Variants in NOS1AP observed in about 807,000 individuals in gnomAD.
NOS1AP encodes the protein carboxyl-terminal PDZ ligand of neuronal nitric oxide synthase protein.
Under a neutral mutation model 56.2 loss-of-function variants are expected in NOS1AP, and 21 were observed. The observed-to-expected ratio is 0.37, with a 90% confidence interval of 0.26 to 0.54. The LOEUF (loss-of-function observed/expected upper bound fraction) is 0.54. NOS1AP is among the 20% of genes least tolerant of loss of function. NOS1AP has a pLI of 0.84. For missense variants in NOS1AP, 522 were observed against 657.8 expected (o/e 0.79, Z 2.26); for synonymous variants, 270 against 274.6 (o/e 0.98, Z 0.17).
Position 162,329,355 on chromosome 1 carries a change from G to A in NOS1AP, c.345-3662G>A, listed in dbSNP as rs977453233. 9.9e-4 allele frequency among the ~76,000 whole-genome samples: 110 copies of A among 111,644 alleles called. 2 individuals carry two copies. In the South Asian group the frequency reaches 0.018, roughly 18 times the overall value. The allele number at this position is 111,644 out of a possible 152,430, so 73.2% of individuals were successfully genotyped here. Reference sequence around the variant, plus strand: ...TTGCAGTGAGCCAAGATTTCACCAAGAAAAAAAGAGAGAGAGAGAGAGAGA... The same window carrying A: ...TTGCAGTGAGCCAAGATTTCACCAAAAAAAAAAGAGAGAGAGAGAGAGAGA... On this transcript the variant is annotated intron_variant, in intron 4 of 9. Transcript: ENST00000361897.
Position 162,349,256 on chromosome 1 carries a change from TAA to T in NOS1AP, c.595+5281_595+5282del, listed in dbSNP as rs1288033423. ...GAGGTCTTCCCACCTTATGGGGGAG[TAA>T]TCGGCTTGGCTCAGAGTCTACTGAT... On this transcript the variant is annotated intron_variant, in intron 6 of 9. Transcript: ENST00000361897. Among the ~76,000 whole-genome samples the T allele has an allele frequency of 1.3e-4, 19 of 150,866 alleles. No individual in the cohort carries two copies. The East Asian group carries it at 2.9e-3, about 23-fold the overall frequency.
chr1:162,352,817 C>T (rs180847296), intron 6 of NOS1AP, among the ~76,000 whole-genome samples: 3 of 152,250 alleles, frequency 2.0e-5, no homozygotes, highest in East Asian at 1.9e-4. Flanking sequence ...GCTAAGGCTT[C>T]GACATATGAA....
chr1:162,357,973 C>T (rs911588519), intron 8 of NOS1AP, among the ~76,000 whole-genome samples: 2 of 148,432 alleles, frequency 1.3e-5, no homozygotes, highest in Admixed American at 6.7e-5. Context: ...AATCCTGAGG[C>T]GAGAGGCAGG....
chr1:162,201,918 T>C (rs1238634856), intron 2 of NOS1AP, among the ~76,000 whole-genome samples: 1 of 152,238 alleles, frequency 6.6e-6, no homozygotes, highest in Non-Finnish European at 1.5e-5. Context: ...ACTTTGTTGA[T>C]AGTTTCCTTT....
chr1:162,172,443 C>T (rs535245832), intron 2 of NOS1AP, among the ~76,000 whole-genome samples: 4 of 152,284 alleles, frequency 2.6e-5, no homozygotes, highest in African/African-American at 9.6e-5. Flanking sequence ...GGATGTGGGC[C>T]TGTGAATGGG....
intron 5 of NOS1AP, among the ~76,000 whole-genome samples, chr1:162,338,184 T>A (rs1348953039): frequency 1.3e-5 from 2 of 152,168 alleles, no homozygotes; most frequent in East Asian, 3.9e-4. Context: ...CCTCATGGAC[T>A]TCAGTTCTCT....
intron 4 of NOS1AP, among the ~76,000 whole-genome samples, chr1:162,322,214 A>G (rs1311307833): frequency 6.6e-6 from 1 of 152,212 alleles, no homozygotes; most frequent in African/African-American, 2.4e-5. Flanking sequence ...AGTACACACA[A>G]GCCACCAGCA....
intron 2 of NOS1AP, among the ~76,000 whole-genome samples, chr1:162,166,204 C>G (rs1462293221): frequency 6.6e-6 from 1 of 152,172 alleles, no homozygotes; most frequent in African/African-American, 2.4e-5. Context: ...ATGCCTTTGG[C>G]TGTGCCCTCC....
intron 1 of NOS1AP, among the ~76,000 whole-genome samples, chr1:162,128,228 A>G (rs1648575484): frequency 6.6e-6 from 1 of 152,154 alleles, no homozygotes; most frequent in South Asian, 2.1e-4. Flanking sequence ...TATATTTTCT[A>G]AATGGCAACC....
chr1:162,313,641 G>A (rs1439426946), intron 4 of NOS1AP, among the ~76,000 whole-genome samples: 3 of 152,294 alleles, frequency 2.0e-5, no homozygotes, highest in Admixed American at 6.5e-5. Flanking sequence ...GAGATTGCTT[G>A]GGGATCTGAG....
At chr1:162,248,599 T>G (rs531625112) in intron 2 of NOS1AP, among the ~76,000 whole-genome samples, 1 of 152,300 alleles carries the variant, frequency 6.6e-6, no homozygotes, top group South Asian at 2.1e-4. Flanking sequence ...ATCAATTTCC[T>G]TATGACCCTT....
chr1:162,078,359 A>G (rs376710886), intron 1 of NOS1AP, among the ~76,000 whole-genome samples: 1 of 152,130 alleles, frequency 6.6e-6, no homozygotes, highest in South Asian at 2.1e-4. Context: ...TGGGCCTGAC[A>G]CTTTAAAGTA....
At chr1:162,179,306 A>G (rs1651172054) in intron 2 of NOS1AP, among the ~76,000 whole-genome samples, 2 of 152,222 alleles carry the variant, frequency 1.3e-5, no homozygotes, top group Admixed American at 6.5e-5. Flanking sequence ...ACCAAGGCAC[A>G]GGGAAGTTGA....
At chr1:162,311,639 A>G (rs1656033645) in intron 4 of NOS1AP, among the ~76,000 whole-genome samples, 1 of 149,612 alleles carries the variant, frequency 6.7e-6, no homozygotes, top group Non-Finnish European at 1.5e-5. Flanking sequence ...TGTGCAGGTT[A>G]GTTACATATG....
At chr1:162,182,739 G>C (rs901451552) in intron 2 of NOS1AP, among the ~76,000 whole-genome samples, 1 of 152,130 alleles carries the variant, frequency 6.6e-6, no homozygotes, top group Non-Finnish European at 1.5e-5. Context: ...TCCCTAAGAA[G>C]CAACTCCTCA....
intron 4 of NOS1AP, among the ~76,000 whole-genome samples, chr1:162,303,193 A>T (rs971937502): frequency 1.3e-5 from 2 of 151,970 alleles, no homozygotes; most frequent in South Asian, 2.1e-4. Context: ...ATATGCTTTT[A>T]TTTTTCTTGG....
chr1:162,324,396 GT>G (rs1656515787), intron 4 of NOS1AP, among the ~76,000 whole-genome samples: 1 of 123,124 alleles, frequency 8.1e-6, no homozygotes, highest in South Asian at 2.9e-4. Context: ...TTGTGTAGTG[GT>G]TTTGTGAGGG....
intron 6 of NOS1AP, among the ~76,000 whole-genome samples, chr1:162,349,461 C>T (rs969227423): frequency 3.3e-5 from 5 of 152,116 alleles, no homozygotes; most frequent in Admixed American, 6.5e-5. Flanking sequence ...CTAGAGGAGC[C>T]ACTGAGGGTT....
chr1:162,143,267 C>T (rs1558119779), intron 1 of NOS1AP, among the ~76,000 whole-genome samples: 1 of 152,078 alleles, frequency 6.6e-6, no homozygotes, highest in Non-Finnish European at 1.5e-5. Flanking sequence ...TCTGTTGAGA[C>T]TAATTTCTTG....
Sources: gnomAD v4.1 joint callset for allele counts (sites outside exome capture counted in the v4.1 genomes callset) on GRCh38, gnomAD v4.1.1 for gene constraint, MANE v1.5 for transcripts, NCBI Gene and HGNC (gene_info 2026-07-23, HGNC 2026-07-21) for gene names.